Variants in THRB observed in about 807,000 individuals in gnomAD.
The protein encoded by THRB is nuclear receptor subfamily 1 group A member 2.
A neutral mutation model predicts 47.8 loss-of-function variants in THRB; 12 were observed. That is an observed-to-expected ratio of 0.25 (90% CI 0.16 to 0.41). The LOEUF (loss-of-function observed/expected upper bound fraction) is 0.41. Among genes scored for constraint, THRB ranks in the 10% least tolerant of loss-of-function variants. The pLI, the probability that THRB is intolerant of heterozygous loss-of-function variation, is 1.00. For synonymous variants in THRB, 218 were observed against 212.2 expected, an observed-to-expected ratio of 1.03 and a Z score of -0.24; for missense variants, 348 against 589.2, an observed-to-expected ratio of 0.59 and a Z score of 4.24.
rs540107818 is a variant in THRB at position 24,434,992 on chromosome 3, T to C, written c.-261+59660A>G. ...GTTCAGATTGGATTTTTTAAGAAAA[T>C]AGGTAAAATCTGGTAGAGGTATCCA... is the stretch of plus-strand genomic sequence containing the variant. On this transcript the variant is annotated intron_variant, in intron 1 of 10. Transcript: ENST00000646209. Among the ~76,000 whole-genome samples the C allele has an allele frequency of 3.9e-5, 6 of 152,098 alleles. No individual in the cohort carries two copies. In the South Asian group the frequency reaches 1.0e-3, roughly 26 times the overall value.
chr3:24,493,680 A>G (rs1698536661), intron 1 of THRB, among the ~76,000 whole-genome samples: 1 of 152,112 alleles, frequency 6.6e-6, no homozygotes, highest in Non-Finnish European at 1.5e-5. Flanking sequence ...CCTTTCTTTG[A>G]CTCACTTTAT....
intron 2 of THRB, among the ~76,000 whole-genome samples, chr3:24,302,151 C>T (rs2056986261): frequency 6.6e-6 from 1 of 152,170 alleles, no homozygotes; most frequent in Non-Finnish European, 1.5e-5. Context: ...TACCATTATC[C>T]ACCTATCATT....
At chr3:24,336,499 C>T (rs1434520410) in intron 2 of THRB, among the ~76,000 whole-genome samples, 1 of 152,204 alleles carries the variant, frequency 6.6e-6, no homozygotes, top group Admixed American at 6.5e-5. Context: ...AGTTCTGACA[C>T]AACCTTATAT....
chr3:24,166,279 C>T (rs1302602729), intron 5 of THRB, among the ~76,000 whole-genome samples: 1 of 152,110 alleles, frequency 6.6e-6, no homozygotes, highest in Non-Finnish European at 1.5e-5. Context: ...TGCCAATGCC[C>T]CTATATGAGG....
chr3:24,211,141 A>G (rs1320217947), intron 4 of THRB, among the ~76,000 whole-genome samples: 4 of 150,968 alleles, frequency 2.6e-5, no homozygotes, highest in Admixed American at 1.3e-4. Context: ...CAGAGGGTGC[A>G]GTAAGCTAAG....
At chr3:24,432,450 T>G (rs1277848953) in intron 1 of THRB, among the ~76,000 whole-genome samples, 1 of 152,154 alleles carries the variant, frequency 6.6e-6, no homozygotes, top group Admixed American at 6.6e-5. Context: ...ACCTTCTAGT[T>G]AAGAGAGGGG....
At chr3:24,124,905 G>A (rs1245258844) in intron 10 of THRB, among the ~76,000 whole-genome samples, 1 of 152,214 alleles carries the variant, frequency 6.6e-6, no homozygotes, top group Non-Finnish European at 1.5e-5. Context: ...TATTAATGAA[G>A]AGGGTCCACA....
chr3:24,163,955 A>G (rs2039267656), intron 5 of THRB, among the ~76,000 whole-genome samples: 1 of 152,200 alleles, frequency 6.6e-6, no homozygotes, highest in Admixed American at 6.6e-5. Context: ...TATAGAAACC[A>G]CAACTAAATA....
At chr3:24,216,884 G>T (rs368542617) in intron 4 of THRB, among the ~76,000 whole-genome samples, 10 of 151,852 alleles carry the variant, frequency 6.6e-5, no homozygotes, top group Non-Finnish European at 1.2e-4. Context: ...TGCTGAGTTC[G>T]ATGGGCTATT....
rs2073230755 is a variant in THRB at position 24,456,974 on chromosome 3, G to A, written c.-261+37678C>T. Among the ~76,000 whole-genome samples the A allele has an allele frequency of 1.1e-4, 16 of 152,128 alleles. No homozygotes were observed. In the South Asian group the frequency reaches 3.3e-3, roughly 32 times the overall value. On this transcript the variant is annotated intron_variant, in intron 1 of 10. Transcript: ENST00000646209. ...AAATTGTAAGGTTTGGGGCTTTTTGGTGTCATCAATTGGCAAACCTCTCCT... is the reference window on the plus strand; with the variant it reads ...AAATTGTAAGGTTTGGGGCTTTTTGATGTCATCAATTGGCAAACCTCTCCT...
intron 3 of THRB, among the ~76,000 whole-genome samples, chr3:24,234,930 G>A (rs1366230293): frequency 6.6e-6 from 1 of 152,146 alleles, no homozygotes; most frequent in African/African-American, 2.4e-5. Flanking sequence ...TCTTGAAAGA[G>A]TTGCTGTGGA....
At chr3:24,161,811 T>A (rs1186154965) in intron 5 of THRB, among the ~76,000 whole-genome samples, 2 of 151,910 alleles carry the variant, frequency 1.3e-5, no homozygotes, top group Non-Finnish European at 2.9e-5. Context: ...CAAAACTGAA[T>A]AGGACAACCC....
At position 24,235,029 on chromosome 3, in the gene THRB, G is replaced by A. The variant is rs554508670; in HGVS notation, c.-42-6028C>T. Among the ~76,000 whole-genome samples, 35 of 152,346 alleles carry A rather than the reference G, an allele frequency of 2.3e-4. 1 individual carries two copies. The South Asian group carries it at 4.3e-3, about 19-fold the overall frequency. On this transcript the variant is annotated intron_variant, in intron 3 of 10. Transcript: ENST00000646209. ...GAGAAAGGCAGCCCTGCTGCAGTGTGGAGGAGGCCTGCTTGGGAGGCTCAC... is the reference window on the plus strand; with the variant it reads ...GAGAAAGGCAGCCCTGCTGCAGTGTAGAGGAGGCCTGCTTGGGAGGCTCAC...
chr3:24,355,781 A>G (rs1377829130), intron 1 of THRB, among the ~76,000 whole-genome samples: 1 of 152,140 alleles, frequency 6.6e-6, no homozygotes, highest in Non-Finnish European at 1.5e-5. Flanking sequence ...GTAAAAACAC[A>G]TGGCAGGGTC....
At chr3:24,350,068 G>A (rs1043246762) in intron 1 of THRB, among the ~76,000 whole-genome samples, 1 of 151,864 alleles carries the variant, frequency 6.6e-6, no homozygotes, top group South Asian at 2.1e-4. Flanking sequence ...CAAAAGACTT[G>A]GATATTCTCA....
At chr3:24,278,103 G>C (rs1190444063) in intron 3 of THRB, among the ~76,000 whole-genome samples, 1 of 152,142 alleles carries the variant, frequency 6.6e-6, no homozygotes, top group Non-Finnish European at 1.5e-5. Flanking sequence ...GAGAACAGAA[G>C]ATATGCAGAA....
intron 4 of THRB, 63 bp from the exon 5 acceptor site, chr3:24,190,397 A>G: frequency 3.7e-6 from 6 of 1,603,526 alleles, no homozygotes; most frequent in Admixed American, 3.3e-5. Flanking sequence ...GCTGAGATGC[A>G]GAGTTTTGGA....
rs552078978 is a variant in THRB, at chr3:24,289,289, T to A, written c.-43+7937A>T. On this transcript the variant is annotated intron_variant, in intron 3 of 10. Coordinates refer to ENST00000646209, the MANE Select transcript of THRB (RefSeq NM_001354712.2). Reference sequence around the variant, plus strand: ...TGAGAAAGATGTTTCATAAACTGTATCACAAATTTCTAAATGTTTAGTAAA... The same window carrying A: ...TGAGAAAGATGTTTCATAAACTGTAACACAAATTTCTAAATGTTTAGTAAA... Among the ~76,000 whole-genome samples, 128 of 152,374 alleles carry A rather than the reference T, an allele frequency of 8.4e-4. 1 individual carries two copies. The highest frequency in any genetic ancestry group is 1.7e-3 in the Non-Finnish European group (115 of 68,042).
intron 1 of THRB, among the ~76,000 whole-genome samples, chr3:24,457,195 C>G (rs1004649898): frequency 6.6e-6 from 1 of 152,142 alleles, no homozygotes; most frequent in East Asian, 1.9e-4. Context: ...CTAACTAAGC[C>G]TGTATTACCA....
Sources: allele counts gnomAD v4.1 joint callset (sites outside exome capture counted in the v4.1 genomes callset), GRCh38; gene constraint gnomAD v4.1.1; transcripts MANE v1.5; gene names NCBI Gene and HGNC (gene_info 2026-07-23, HGNC 2026-07-21).